CCDC13: variants seen among roughly 807,000 people sequenced by gnomAD.
CCDC13 encodes the protein coiled-coil domain-containing protein 13.
CCDC13 carries 70 observed loss-of-function variants against 87.3 expected under a neutral mutation model. The observed-to-expected ratio is 0.80, with a 90% confidence interval of 0.66 to 0.98. The LOEUF (loss-of-function observed/expected upper bound fraction) is 0.98, where lower values mean the gene tolerates loss of function less well. Among genes scored for constraint, CCDC13 ranks in the 50% least tolerant of loss-of-function variants. The pLI is 0.00. For synonymous variants in CCDC13, 317 were observed against 360.3 expected (o/e 0.88, Z 1.36); for missense variants, 842 against 892.0 (o/e 0.94, Z 0.71).
intron 1 of CCDC13, among the ~76,000 whole-genome samples, chr3:42,759,849 A>G (rs796466480): frequency 3.3e-5 from 5 of 152,294 alleles, no homozygotes; most frequent in African/African-American, 1.2e-4. Flanking sequence ...ATGGTAATTT[A>G]TGTTTAACTT....
chr3:42,768,833 T>C (rs557665242), intron 1 of CCDC13, among the ~76,000 whole-genome samples: 2 of 151,184 alleles, frequency 1.3e-5, no homozygotes, highest in East Asian at 4.0e-4. Context: ...AATAAGAAAA[T>C]ACCCCAGTTA....
rs1438558852 is a variant in CCDC13, at chr3:42,773,214, G to A, written c.-45C>T. On this transcript the variant is annotated 5_prime_UTR_variant, in exon 1 of 16. Coordinates refer to ENST00000310232, the MANE Select transcript of CCDC13 (RefSeq NM_144719.4). Reference sequence around the variant, plus strand: ...CACTTCTCCCTTCTAGGACCGCGGCGGCTAGGTCACCTCCTCCGGACGCCG... The same window carrying A: ...CACTTCTCCCTTCTAGGACCGCGGCAGCTAGGTCACCTCCTCCGGACGCCG... 1 of 152,180 alleles carries A rather than the reference G, an allele frequency of 6.6e-6. No homozygotes were observed. The highest frequency in any genetic ancestry group is 2.4e-5 in the African/African-American group (1 of 41,442). The allele number at this position is 152,180 out of a possible 1,614,324, so 9.4% of individuals were successfully genotyped here. A position where few individuals can be genotyped will look rare whatever the true frequency, so the allele number is the denominator to read the frequency against.
At chr3:42,738,263 G>T (rs1699094856) in intron 9 of CCDC13, among the ~76,000 whole-genome samples, 1 of 144,442 alleles carries the variant, frequency 6.9e-6, no homozygotes, top group Admixed American at 6.9e-5. Context: ...CTGTTCCATT[G>T]GTCTATATAT....
chr3:42,729,007 A>T (rs1698756522), intron 13 of CCDC13, among the ~76,000 whole-genome samples: 1 of 152,184 alleles, frequency 6.6e-6, no homozygotes, highest in Non-Finnish European at 1.5e-5. Flanking sequence ...AGGAGAACTG[A>T]GGCATCCCTG....
chr3:42,713,723 G>T (rs750683387), intron 13 of CCDC13, among the ~76,000 whole-genome samples: 2 of 152,112 alleles, frequency 1.3e-5, no homozygotes, highest in Non-Finnish European at 2.9e-5. Context: ...CTCCTCCTAC[G>T]AAACAGAATC....
At chr3:42,725,358 T>A (rs542452272) in intron 13 of CCDC13, among the ~76,000 whole-genome samples, 21 of 152,080 alleles carry the variant, frequency 1.4e-4, no homozygotes, top group East Asian at 1.4e-3. Context: ...AAGATGCATT[T>A]AATGTAAGTC....
intron 12 of CCDC13, 72 bp downstream of exon 12, chr3:42,732,815 G>A: frequency 7.5e-7 from 1 of 1,332,622 alleles, no homozygotes; most frequent in Non-Finnish European, 1.0e-6. Context: ...TCCTTTTAAT[G>A]GGATGGCAAT....
At chr3:42,755,842 C>T (rs1052154931) in intron 3 of CCDC13, among the ~76,000 whole-genome samples, 1 of 152,158 alleles carries the variant, frequency 6.6e-6, no homozygotes, top group African/African-American at 2.4e-5. Flanking sequence ...GATCTGCTTC[C>T]CAGGTCTGCT....
At chr3:42,727,032 A>G (rs1698705558) in intron 13 of CCDC13, among the ~76,000 whole-genome samples, 1 of 152,198 alleles carries the variant, frequency 6.6e-6, no homozygotes, top group African/African-American at 2.4e-5. Flanking sequence ...TTCTATGCCC[A>G]AATTTCTCTT....
intron 9 of CCDC13, among the ~76,000 whole-genome samples, chr3:42,738,397 C>CT (rs1266065240): frequency 6.6e-6 from 1 of 152,142 alleles, no homozygotes; most frequent in Non-Finnish European, 1.5e-5. Flanking sequence ...AATGTGGGCT[C>CT]TTTTTTGATT....
chr3:42,755,228 C>A (rs534774593), intron 3 of CCDC13, among the ~76,000 whole-genome samples: 85 of 152,150 alleles, frequency 5.6e-4, no homozygotes, highest in African/African-American at 1.9e-3. Context: ...AGTAAGCAAA[C>A]AAAACCCAAA....
At chr3:42,747,821 G>C (rs1466083794) in intron 5 of CCDC13, among the ~76,000 whole-genome samples, 1 of 152,178 alleles carries the variant, frequency 6.6e-6, no homozygotes, top group Non-Finnish European at 1.5e-5. Context: ...TCAGAATAAA[G>C]AGGAAACCAC....
chr3:42,714,631 A>G (rs1454383063), intron 13 of CCDC13, among the ~76,000 whole-genome samples: 1 of 152,236 alleles, frequency 6.6e-6, no homozygotes, highest in African/African-American at 2.4e-5. Context: ...ATCTAACCCA[A>G]GCCAAGAGTT....
At position 42,706,149 on chromosome 3, in the gene CCDC13, T is replaced by G. The variant is rs1279665347; in HGVS notation, c.*2831A>C. ...AGGTCCCTCCCAGGCCTGGAGAGGCTGGCATGCTGTTGGCACTCACTGACT... is the reference window on the plus strand; with the variant it reads ...AGGTCCCTCCCAGGCCTGGAGAGGCGGGCATGCTGTTGGCACTCACTGACT... On this transcript the variant is annotated 3_prime_UTR_variant, in exon 16 of 16. Coordinates refer to ENST00000310232, the MANE Select transcript of CCDC13 (RefSeq NM_144719.4). The G allele has an allele frequency of 4.6e-5, 7 of 152,400 alleles. No homozygotes were observed. Among genetic ancestry groups the G allele is most frequent in the Non-Finnish European group, 1.0e-4 (7 of 68,146 alleles). 9.4% of individuals were successfully genotyped at this position (152,400 alleles called of 1,614,324 possible).
intron 6 of CCDC13, chr3:42,747,015 G>A: frequency 1.6e-6 from 1 of 616,596 alleles, no homozygotes; most frequent in Admixed American, 2.3e-5. Context: ...GCACCACAAG[G>A]GCAGGTATGC....
At chr3:42,749,575 G>A (rs6783035) in intron 5 of CCDC13, among the ~76,000 whole-genome samples, 2,803 of 152,358 alleles carry the variant, frequency 0.018, 75 homozygotes, top group African/African-American at 0.064. Context: ...CAGCTGACAA[G>A]TGGGCTGAGG....
chr3:42,746,056 C>T (rs370916314), intron 6 of CCDC13, 29 bp from the exon 7 acceptor site: 1 of 1,559,498 alleles, frequency 6.4e-7, no homozygotes, highest in African/African-American at 1.4e-5. Context: ...TTCAATGTGG[C>T]CAAAAGAGAG....
chr3:42,766,403 A>C (rs1247603609), intron 1 of CCDC13, among the ~76,000 whole-genome samples: 2 of 152,136 alleles, frequency 1.3e-5, no homozygotes, highest in Non-Finnish European at 2.9e-5. Context: ...AGCTGGAAGC[A>C]AGTAACAGCC....
chr3:42,771,876 G>GT (rs1232555350), intron 1 of CCDC13, among the ~76,000 whole-genome samples: 2 of 152,220 alleles, frequency 1.3e-5, no homozygotes, highest in African/African-American at 4.8e-5. Flanking sequence ...AATGCAATGT[G>GT]TAAGATGTTA....
Sources: gnomAD v4.1 joint callset for allele counts (sites outside exome capture counted in the v4.1 genomes callset) on GRCh38, gnomAD v4.1.1 for gene constraint, MANE v1.5 for transcripts, NCBI Gene and HGNC (gene_info 2026-07-23, HGNC 2026-07-21) for gene names.